REV1: variants seen among roughly 807,000 people sequenced by gnomAD.
REV1 encodes the protein REV1 DNA directed polymerase.
In REV1, 42 loss-of-function variants were observed where a neutral mutation model predicts 137.4. That is an observed-to-expected ratio of 0.31 (90% CI 0.24 to 0.40). REV1 has a LOEUF of 0.40. Among genes scored for constraint, REV1 ranks in the 10% least tolerant of loss-of-function variants. The pLI, the probability that REV1 is intolerant of heterozygous loss-of-function variation, is 1.00. For missense variants in REV1, 1,282 were observed against 1,490.1 expected (o/e 0.86, Z 2.30); for synonymous variants, 524 against 519.2 (o/e 1.01, Z -0.12).
At chr2:99,404,992 C>A (rs1012226893) in intron 17 of REV1, among the ~76,000 whole-genome samples, 1 of 152,162 alleles carries the variant, frequency 6.6e-6, no homozygotes, top group Admixed American at 6.5e-5. Context: ...ATATGAATAG[C>A]CTTGGTGAAG....
chr2:99,415,505 A>G (rs762585153), intron 12 of REV1, among the ~76,000 whole-genome samples: 97 of 152,240 alleles, frequency 6.4e-4, no homozygotes, highest in Non-Finnish European at 1.2e-3. Context: ...AGTTTTCACC[A>G]TCTACAGGAG....
chr2:99,413,898 T>A (rs944070077), intron 12 of REV1, among the ~76,000 whole-genome samples: 2 of 152,130 alleles, frequency 1.3e-5, no homozygotes, highest in Non-Finnish European at 2.9e-5. Flanking sequence ...TCAGGCTGGG[T>A]GTGGTGGCTC....
At chr2:99,454,602 A>C (rs1238111743) in intron 3 of REV1, among the ~76,000 whole-genome samples, 1 of 142,396 alleles carries the variant, frequency 7.0e-6, no homozygotes. Flanking sequence ...CCCAAAAATT[A>C]CGTGTGGTGG....
chr2:99,424,860 C>T (rs541777179), intron 9 of REV1: 19 of 1,304,010 alleles, frequency 1.5e-5, no homozygotes, highest in Middle Eastern at 4.3e-4. Flanking sequence ...GGTAGGACAT[C>T]ACTCTGGGCA....
chr2:99,477,728 G>A (rs1686144228), intron 1 of REV1, among the ~76,000 whole-genome samples: 1 of 152,158 alleles, frequency 6.6e-6, no homozygotes, highest in Non-Finnish European at 1.5e-5. Context: ...TGATTAAAAG[G>A]AAAGCGTCTA....
rs777891716 is a variant in REV1, at chr2:99,402,692, A to C, written c.3493T>G (p.Phe1165Val). Residue 1165 changes from phenylalanine to valine, a missense_variant, in exon 21 of 23, where the codon TTC (phenylalanine) becomes GTC (valine). By Grantham distance (50) the Phe-to-Val change is conservative. Around this residue, in one of 7 missense-constraint regions of REV1, gnomAD observed 170 missense variants for 156.8 expected, o/e 1.08. Coordinates refer to ENST00000258428, the MANE Select transcript of REV1 (RefSeq NM_016316.4). ...PAPNLAGAVE[F>V]NDVKTLLREW... ...CTGAGCAAGGTCTTCACATCATTGAATTCAACAGCTCCAGCTAGATTGGGT... is the reference window on the plus strand; with the variant it reads ...CTGAGCAAGGTCTTCACATCATTGACTTCAACAGCTCCAGCTAGATTGGGT... The C allele has an allele frequency of 6.2e-7, 1 of 1,614,220 alleles. No homozygotes were observed. The highest frequency in any genetic ancestry group is 2.2e-5 in the East Asian group (1 of 44,884).
At chr2:99,448,280 C>G (rs555093023) in intron 4 of REV1, among the ~76,000 whole-genome samples, 40 of 151,856 alleles carry the variant, frequency 2.6e-4, no homozygotes, top group Non-Finnish European at 5.0e-4. Flanking sequence ...TGATTATAAT[C>G]TATCCATACA....
chr2:99,407,484 G>A lies in REV1; in HGVS notation c.2448+545C>T, dbSNP rs565569544. On this transcript the variant is annotated intron_variant, in intron 15 of 22. Transcript: ENST00000258428. ...GGAGAATTGCTTGAACCCAGGAGGCGGAAGTTGCAGTGAGCCGATACAACG... is the reference window on the plus strand; with the variant it reads ...GGAGAATTGCTTGAACCCAGGAGGCAGAAGTTGCAGTGAGCCGATACAACG... Among the ~76,000 whole-genome samples the A allele has an allele frequency of 6.6e-5, 10 of 151,742 alleles. No individual in the cohort carries two copies. The South Asian group carries it at 8.4e-4, about 13-fold the overall frequency.
chr2:99,455,016 A>G (rs750102182), intron 3 of REV1, among the ~76,000 whole-genome samples: 33 of 152,246 alleles, frequency 2.2e-4, no homozygotes, highest in Non-Finnish European at 4.3e-4. Flanking sequence ...CAGCTTATAG[A>G]AAGTTTTGCT....
chr2:99,486,537 A>AG (rs1687159719), intron 1 of REV1, among the ~76,000 whole-genome samples: 1 of 151,968 alleles, frequency 6.6e-6, no homozygotes, highest in Admixed American at 6.6e-5. Flanking sequence ...TCAAAAAAAA[A>AG]AAAAATTACC....
intron 15 of REV1, among the ~76,000 whole-genome samples, chr2:99,407,164 A>C (rs891672963): frequency 7.8e-6 from 1 of 127,592 alleles, no homozygotes; most frequent in Non-Finnish European, 1.5e-5. Flanking sequence ...ATCTTGGCTC[A>C]TGCAAGCTCT....
intron 2 of REV1, among the ~76,000 whole-genome samples, chr2:99,463,125 A>G (rs1204694704): frequency 6.6e-6 from 1 of 152,004 alleles, no homozygotes; most frequent in African/African-American, 2.4e-5. Context: ...AATACATAAA[A>G]CACATAGGTC....
At position 99,412,661 on chromosome 2, in the gene REV1, A is replaced by G. The variant is rs1200314815; in HGVS notation, c.2172+70T>C. 5 of 1,133,302 alleles carry G rather than the reference A, an allele frequency of 4.4e-6. No individual in the cohort carries two copies. The Admixed American group carries it at 7.0e-5, about 16-fold the overall frequency. 70.2% of individuals were successfully genotyped at this position (1,133,302 alleles called of 1,614,324 possible). A position where few individuals can be genotyped will look rare whatever the true frequency, so the allele number is the denominator to read the frequency against. On this transcript the variant is annotated intron_variant, in intron 13 of 22. Transcript: ENST00000258428. ...TCAAGCATTGAGGGTCTAATGGTTT[A>G]GTTGTAGAGGTAGGACTATGTAAAA...
At chr2:99,438,503 T>C (rs1681053219) in intron 6 of REV1, 98 bp downstream of exon 6, 1 of 845,756 alleles carries the variant, frequency 1.2e-6, no homozygotes, top group South Asian at 1.7e-5. Context: ...GAGACTTTTA[T>C]GAGAACTTCA....
At chr2:99,483,433 T>C (rs948875448) in intron 1 of REV1, among the ~76,000 whole-genome samples, 1 of 152,228 alleles carries the variant, frequency 6.6e-6, no homozygotes, top group African/African-American at 2.4e-5. Context: ...CTTTGCTTAA[T>C]AGGCTATGAG....
chr2:99,443,472 C>T (rs1318025032), intron 4 of REV1, among the ~76,000 whole-genome samples: 3 of 152,188 alleles, frequency 2.0e-5, no homozygotes, highest in South Asian at 4.1e-4. Context: ...AATTGGCTTA[C>T]AGAATACTAA....
At position 99,424,274 on chromosome 2, in the gene REV1, A is replaced by G. The variant is rs755437310; in HGVS notation, c.1554T>C (p.Leu518=). ...IASCSYEARQ[L]GIKNGMFFGH... is the part of the protein sequence containing the mutation. ...CAAAAAACATTCCGTTCTTAATGCCAAGTTGCCTAGAGCGAGAACAAAACA... is the reference window on the plus strand; with the variant it reads ...CAAAAAACATTCCGTTCTTAATGCCGAGTTGCCTAGAGCGAGAACAAAACA... The change falls in exon 10 of 23, where the codon CTT becomes CTC. Residue 518 remains leucine (L), a synonymous_variant. Coordinates refer to ENST00000258428, the MANE Select transcript of REV1 (RefSeq NM_016316.4). 3.1e-6 allele frequency: 5 copies of G among 1,613,560 alleles called. No individual in the cohort carries two copies. The highest frequency in any genetic ancestry group is 3.4e-6 in the Non-Finnish European group (4 of 1,179,790).
At chr2:99,406,199 G>A in intron 16 of REV1, 93 bp from the exon 17 acceptor site, 1 of 1,369,906 alleles carries the variant, frequency 7.3e-7, no homozygotes, top group Non-Finnish European at 9.8e-7. Context: ...CTTTATTACT[G>A]ATTCATCATA....
At chr2:99,435,493 C>A in intron 7 of REV1, 1 of 160,952 alleles carries the variant, frequency 6.2e-6, no homozygotes, top group Non-Finnish European at 1.3e-5. Context: ...GCATAGTGAC[C>A]CAAGTCTCAA....
Sources: gnomAD v4.1 joint callset for allele counts (sites outside exome capture counted in the v4.1 genomes callset) on GRCh38, gnomAD v4.1.1 for gene constraint, gnomAD v4.1.1 regional missense constraint, MANE v1.5 for transcripts, NCBI Gene and HGNC (gene_info 2026-07-23, HGNC 2026-07-21) for gene names.